The following NCKAP5 variants were observed in gnomAD, a reference collection of about 807,000 sequenced individuals.
The protein encoded by NCKAP5 is NCK associated protein 5, also known as nck-associated protein 5.
NCKAP5 carries 92 observed loss-of-function variants against 167.0 expected under a neutral mutation model. That is an observed-to-expected ratio of 0.55 (90% confidence interval 0.47 to 0.66). NCKAP5 has a LOEUF of 0.66. Ranked by LOEUF, NCKAP5 falls within the 30% of genes least tolerant of loss-of-function variation. The probability of loss-of-function intolerance (pLI) is 0.00; values close to 1 mark genes in which losing one functional copy is unlikely to be tolerated. For missense variants in NCKAP5, 2,378 were observed against 2,315.0 expected, an observed-to-expected ratio of 1.03 and a Z score of -0.56; for synonymous variants, 891 against 877.4, an observed-to-expected ratio of 1.02 and a Z score of -0.27.
chr2:133,441,304 A>C (rs765085993), intron 3 of NCKAP5, among the ~76,000 whole-genome samples: 1 of 152,218 alleles, frequency 6.6e-6, no homozygotes, highest in African/African-American at 2.4e-5. Flanking sequence ...TGAATATTAG[A>C]ATGTTAGTCT....
intron 11 of NCKAP5, among the ~76,000 whole-genome samples, chr2:132,810,195 C>A (rs1685755813): frequency 6.6e-6 from 1 of 151,374 alleles, no homozygotes. Context: ...TACCTGGTGC[C>A]TCTTAGGATT....
the NCKAP5 span, among the ~76,000 whole-genome samples, chr2:133,585,504 G>T: frequency 2.0e-5 from 3 of 152,190 alleles, no homozygotes; most frequent in African/African-American, 7.2e-5. Flanking sequence ...GGGAATGCAG[G>T]TCAGGCCTTT....
Position 132,782,896 on chromosome 2 carries a change from G to T in NCKAP5, c.3915C>A (p.Thr1305=), listed in dbSNP as rs192389025. Residue 1305 remains threonine (T), a synonymous_variant, in exon 14 of 20, where the codon ACC becomes ACA. Coordinates refer to ENST00000409261, the MANE Select transcript of NCKAP5 (RefSeq NM_207363.3). ...GKVRTQIITN[T]AERGNSLTRQ... is the part of the protein sequence containing the mutation. ...GGGTAAGAGAATTGCCTCTCTCGGC[G>T]GTATTGGTAATGATCTGAGTGCGGA... 1.2e-6 allele frequency: 2 copies of T among 1,613,966 alleles called. No individual in the cohort carries two copies. The highest frequency in any genetic ancestry group is 3.3e-5 in the Admixed American group (2 of 60,018).
chr2:132,820,381 C>G (rs992585424), intron 11 of NCKAP5, among the ~76,000 whole-genome samples: 1 of 151,892 alleles, frequency 6.6e-6, no homozygotes, highest in Non-Finnish European at 1.5e-5. Flanking sequence ...AGGTGCCCGC[C>G]ACCACGCCCA....
intron 8 of NCKAP5, among the ~76,000 whole-genome samples, chr2:132,945,348 G>T (rs1433701328): frequency 6.6e-6 from 1 of 152,130 alleles, no homozygotes; most frequent in African/African-American, 2.4e-5. Context: ...CAACTCCTTT[G>T]CTTGGAAGGA....
chr2:132,816,228 G>T (rs1187028921), intron 11 of NCKAP5, among the ~76,000 whole-genome samples: 1 of 152,072 alleles, frequency 6.6e-6, no homozygotes, highest in African/African-American at 2.4e-5. Flanking sequence ...GGCACAATTT[G>T]TGGGGCCCAG....
the NCKAP5 span, among the ~76,000 whole-genome samples, chr2:133,582,369 A>G: frequency 2.6e-5 from 4 of 152,214 alleles, no homozygotes; most frequent in African/African-American, 9.7e-5. Context: ...GCTAGACATG[A>G]TCAGACTGGG....
At chr2:133,458,571 T>C (rs984499612) in intron 3 of NCKAP5, among the ~76,000 whole-genome samples, 3 of 152,192 alleles carry the variant, frequency 2.0e-5, no homozygotes, top group African/African-American at 7.2e-5. Flanking sequence ...GTCCACAATG[T>C]GACACTGAGT....
chr2:133,020,866 G>A (rs1229858604), intron 6 of NCKAP5, among the ~76,000 whole-genome samples: 1 of 152,196 alleles, frequency 6.6e-6, no homozygotes, highest in African/African-American at 2.4e-5. Context: ...CAAGGGGAGG[G>A]AGACTAGTCC....
chr2:133,426,876 C>A (rs1016232898), intron 3 of NCKAP5, among the ~76,000 whole-genome samples: 1 of 152,038 alleles, frequency 6.6e-6, no homozygotes, highest in Non-Finnish European at 1.5e-5. Context: ...TAAAACCACA[C>A]AAAAGTCTAT....
intron 2 of NCKAP5, chr2:133,527,029 T>C (rs1250845587): frequency 6.6e-6 from 1 of 152,046 alleles, no homozygotes; most frequent in Non-Finnish European, 1.5e-5. Context: ...GGGGGAATTA[T>C]AGACCATGCT....
Position 132,782,804 on chromosome 2 carries a change from G to C in NCKAP5, c.4007C>G (p.Pro1336Arg). The stretch of plus-strand genomic sequence containing the variant: ...GTGCCCCGAGGGCCTCCCAACACTG[G>C]GGAGACTCTCCAACATGGGAGCAGA... ...APSAPMLESLPSVGRPSGHPS... is the reference protein window; with the variant it reads ...APSAPMLESLRSVGRPSGHPS... Residue 1336 changes from proline (P) to arginine (R), a missense_variant, in exon 14 of 20, where the codon CCC becomes CGC. By Grantham distance (103) the Pro-to-Arg change is moderately radical. Around this residue, in one of 3 missense-constraint regions of NCKAP5, gnomAD observed 1,325 missense variants for 1,274.5 expected, o/e 1.04. Coordinates refer to ENST00000409261, the MANE Select transcript of NCKAP5 (RefSeq NM_207363.3). The C allele has an allele frequency of 6.2e-7, 1 of 1,613,890 alleles. No homozygotes were observed. Among genetic ancestry groups the C allele is most frequent in the Middle Eastern group, 1.7e-4 (1 of 6,060 alleles).
the NCKAP5 span, among the ~76,000 whole-genome samples, chr2:133,614,890 A>T: frequency 7.2e-5 from 11 of 152,234 alleles, no homozygotes; most frequent in Non-Finnish European, 1.3e-4. Flanking sequence ...TGTTAAGGGC[A>T]GCCAGAGAGA....
At chr2:132,789,645 A>G (rs187144565) in intron 13 of NCKAP5, among the ~76,000 whole-genome samples, 156 of 152,348 alleles carry the variant, frequency 1.0e-3, no homozygotes, top group African/African-American at 3.5e-3. Context: ...CCCTTACATC[A>G]GTGTACAAAG....
intron 3 of NCKAP5, among the ~76,000 whole-genome samples, chr2:133,317,135 G>C (rs187571647): frequency 6.6e-6 from 1 of 152,136 alleles, no homozygotes; most frequent in African/African-American, 2.4e-5. Flanking sequence ...AAAAATAAAC[G>C]TGTATCACCA....
At chr2:132,723,191 G>T (rs564698090) in intron 19 of NCKAP5, among the ~76,000 whole-genome samples, 1 of 141,526 alleles carries the variant, frequency 7.1e-6, no homozygotes, top group South Asian at 2.3e-4. Context: ...TGTCGTCCAG[G>T]CTGGAGTGCA....
intron 11 of NCKAP5, among the ~76,000 whole-genome samples, chr2:132,805,101 AAAT>A (rs920883961): frequency 7.9e-5 from 12 of 152,212 alleles, no homozygotes; most frequent in African/African-American, 2.6e-4. Flanking sequence ...ATTGGGAAGG[AAAT>A]AATAATAATA....
At chr2:133,385,064 C>A (rs1490236173) in intron 3 of NCKAP5, among the ~76,000 whole-genome samples, 1 of 152,126 alleles carries the variant, frequency 6.6e-6, no homozygotes, top group Non-Finnish European at 1.5e-5. Context: ...ATTGCCCTGG[C>A]CAGAACTTCC....
chr2:132,813,789 T>A (rs1248589308), intron 11 of NCKAP5, among the ~76,000 whole-genome samples: 3 of 152,054 alleles, frequency 2.0e-5, no homozygotes, highest in Non-Finnish European at 2.9e-5. Context: ...CCAAAAAAAA[T>A]TATGTAGAAT....
Sources: allele counts gnomAD v4.1 joint callset (sites outside exome capture counted in the v4.1 genomes callset), GRCh38; gene constraint gnomAD v4.1.1; regional missense constraint gnomAD v4.1.1; transcripts MANE v1.5; gene names NCBI Gene and HGNC (gene_info 2026-07-23, HGNC 2026-07-21).